The following HNRNPC variants were observed in gnomAD, a reference collection of about 807,000 sequenced individuals.
HNRNPC encodes heterogeneous nuclear ribonucleoprotein C, also known as heterogeneous nuclear ribonucleoproteins C1/C2.
HNRNPC carries 3 observed loss-of-function variants against 33.2 expected under a neutral mutation model. The ratio of observed to expected loss-of-function variants is 0.09; its 90% CI spans 0.04 to 0.23. The LOEUF (loss-of-function observed/expected upper bound fraction) is 0.23. Among genes scored for constraint, HNRNPC ranks in the 10% least tolerant of loss-of-function variants. HNRNPC has a pLI of 1.00. For synonymous variants in HNRNPC, 121 were observed against 126.7 expected (o/e 0.96, Z 0.30); for missense variants, 143 against 366.7 (o/e 0.39, Z 4.98).
intron 5 of HNRNPC, among the ~76,000 whole-genome samples, chr14:21,218,506 G>A (rs563504232): frequency 8.0e-5 from 12 of 150,628 alleles, no homozygotes; most frequent in African/African-American, 2.9e-4. Flanking sequence ...GGCCAACATG[G>A]TGAAACCCGG....
Position 21,223,198 on chromosome 14 carries a change from T to A in HNRNPC, c.365+7121A>T, listed in dbSNP as rs748076417. Among the ~76,000 whole-genome samples the A allele has an allele frequency of 8.6e-4, 131 of 151,994 alleles. 1 individual carries two copies. The Middle Eastern group carries it at 0.014, about 16-fold the overall frequency. ...TCCAGCCTGGGAAACAGGGTGAGAC[T>A]CCATCTCAAAAAGAAAAGCAACACC... is the stretch of plus-strand genomic sequence containing the variant. On this transcript the variant is annotated intron_variant, in intron 5 of 8. Coordinates refer to ENST00000553300, the MANE Select transcript of HNRNPC (RefSeq NM_004500.4).
intron 5 of HNRNPC, among the ~76,000 whole-genome samples, chr14:21,215,024 T>C (rs1892009466): frequency 6.6e-6 from 1 of 152,206 alleles, no homozygotes; most frequent in African/African-American, 2.4e-5. Context: ...CTGGAATTTC[T>C]TTTTAAAACC....
At chr14:21,252,831 G>A (rs564187695) in intron 2 of HNRNPC, among the ~76,000 whole-genome samples, 1 of 152,204 alleles carries the variant, frequency 6.6e-6, no homozygotes, top group South Asian at 2.1e-4. Flanking sequence ...CAAGTACATG[G>A]AAGTTCATTA....
intron 2 of HNRNPC, among the ~76,000 whole-genome samples, chr14:21,253,860 T>C (rs1896936876): frequency 6.6e-6 from 1 of 151,694 alleles, no homozygotes. Flanking sequence ...GGTCAGCAAA[T>C]CGACACCATC....
At chr14:21,244,439 G>A (rs1057323874) in intron 2 of HNRNPC, among the ~76,000 whole-genome samples, 2 of 152,018 alleles carry the variant, frequency 1.3e-5, no homozygotes, top group Non-Finnish European at 1.5e-5. Context: ...AATTTCCCCC[G>A]AGGTCCCTCA....
intron 5 of HNRNPC, among the ~76,000 whole-genome samples, chr14:21,225,487 C>T (rs1403316346): frequency 6.6e-6 from 1 of 151,394 alleles, no homozygotes; most frequent in Non-Finnish European, 1.5e-5. Context: ...AAAGAGCTGA[C>T]AGTAAATCAG....
chr14:21,215,494 C>T (rs1892058730), intron 5 of HNRNPC, among the ~76,000 whole-genome samples: 1 of 152,022 alleles, frequency 6.6e-6, no homozygotes, highest in African/African-American at 2.4e-5. Flanking sequence ...AGGACTAAAC[C>T]CTAGGAGAAT....
intron 2 of HNRNPC, among the ~76,000 whole-genome samples, chr14:21,243,877 T>G (rs530015284): frequency 5.9e-5 from 9 of 152,298 alleles, no homozygotes; most frequent in Non-Finnish European, 1.2e-4. Context: ...TCTAACACTA[T>G]AATAATTACA....
At chr14:21,242,991 G>A (rs2139726987) in intron 2 of HNRNPC, among the ~76,000 whole-genome samples, 1 of 152,068 alleles carries the variant, frequency 6.6e-6, no homozygotes, top group East Asian at 1.9e-4. Context: ...TGGGTGTGGT[G>A]GCACATACCT....
At chr14:21,224,059 G>C (rs937032377) in intron 5 of HNRNPC, among the ~76,000 whole-genome samples, 1 of 151,944 alleles carries the variant, frequency 6.6e-6, no homozygotes, top group Non-Finnish European at 1.5e-5. Context: ...AATAACCTAA[G>C]TATTTTGGCA....
intron 2 of HNRNPC, among the ~76,000 whole-genome samples, chr14:21,245,150 T>A (rs1432356813): frequency 6.7e-6 from 1 of 149,098 alleles, no homozygotes; most frequent in African/African-American, 2.5e-5. Flanking sequence ...TAACACAATA[T>A]TATTTGTGTA....
intron 5 of HNRNPC, among the ~76,000 whole-genome samples, chr14:21,219,532 C>T (rs926448415): frequency 6.6e-6 from 1 of 152,236 alleles, no homozygotes; most frequent in African/African-American, 2.4e-5. Context: ...ACTACTTCAA[C>T]TATTAGTGAC....
Position 21,231,065 on chromosome 14 carries a change from G to A in HNRNPC, c.249C>T (p.Asn83=). ...RMIAGQVLDI[N]LAAEPKVNRG... Reference sequence around the variant, plus strand: ...GGTTCACTTTTGGCTCTGCAGCCAGGTTAATATCTGAAAAACAAAAGTAAA... The same window carrying A: ...GGTTCACTTTTGGCTCTGCAGCCAGATTAATATCTGAAAAACAAAAGTAAA... Residue 83 remains asparagine (N), a synonymous_variant, in exon 4 of 9, where the codon AAC becomes AAT. Transcript: ENST00000553300. 2 of 1,612,728 alleles carry A rather than the reference G, an allele frequency of 1.2e-6. No individual in the cohort carries two copies. Among genetic ancestry groups the A allele is most frequent in the Non-Finnish European group, 1.7e-6 (2 of 1,179,538 alleles).
intron 5 of HNRNPC, among the ~76,000 whole-genome samples, chr14:21,219,719 A>G (rs1892614573): frequency 6.8e-6 from 1 of 147,306 alleles, no homozygotes; most frequent in African/African-American, 2.4e-5. Context: ...TCTGTTTCCA[A>G]TCATCCAGTA....
chr14:21,227,254 C>G (rs1893571401), intron 5 of HNRNPC, among the ~76,000 whole-genome samples: 1 of 151,080 alleles, frequency 6.6e-6, no homozygotes, highest in Admixed American at 6.6e-5. Flanking sequence ...TCATGTAAGA[C>G]ACACACTCAA....
At chr14:21,216,198 AAG>A (rs1021447636) in intron 5 of HNRNPC, among the ~76,000 whole-genome samples, 2 of 151,898 alleles carry the variant, frequency 1.3e-5, no homozygotes, top group African/African-American at 4.8e-5. Flanking sequence ...ATGTACTAAG[AAG>A]AGGTTTTCAA....
intron 5 of HNRNPC, among the ~76,000 whole-genome samples, chr14:21,214,731 T>C (rs574730358): frequency 1.3e-5 from 2 of 152,372 alleles, no homozygotes; most frequent in African/African-American, 4.8e-5. Flanking sequence ...TTTTGGTCTT[T>C]TTGACCAAAA....
intron 2 of HNRNPC, chr14:21,234,631 C>T (rs1894474487): frequency 6.0e-6 from 1 of 165,762 alleles, no homozygotes; most frequent in Non-Finnish European, 1.3e-5. Context: ...GCTAACTATT[C>T]CCTGCCATCA....
intron 2 of HNRNPC, among the ~76,000 whole-genome samples, chr14:21,256,234 T>G (rs1877177247): frequency 6.6e-6 from 1 of 151,994 alleles, no homozygotes; most frequent in South Asian, 2.1e-4. Context: ...GATCACAAGG[T>G]CAAGAAATCG....
Sources: gnomAD v4.1 joint callset for allele counts (sites outside exome capture counted in the v4.1 genomes callset) on GRCh38, gnomAD v4.1.1 for gene constraint, MANE v1.5 for transcripts, NCBI Gene and HGNC (gene_info 2026-07-23, HGNC 2026-07-21) for gene names.